The following DCC variants were observed in gnomAD, a reference collection of about 807,000 sequenced individuals.
DCC encodes the protein netrin receptor DCC.
Under a neutral mutation model 172.5 loss-of-function variants are expected in DCC, and 58 were observed. That is an observed-to-expected ratio of 0.34 (90% confidence interval 0.27 to 0.42). The LOEUF (loss-of-function observed/expected upper bound fraction) is 0.42, where lower values mean the gene tolerates loss of function less well. Ranked by LOEUF, DCC falls within the 10% of genes least tolerant of loss-of-function variation. The probability of loss-of-function intolerance (pLI) is 1.00; values close to 1 mark genes in which losing one functional copy is unlikely to be tolerated. For synonymous variants in DCC, 709 were observed against 644.5 expected, an observed-to-expected ratio of 1.10 and a Z score of -1.52; for missense variants, 1,740 against 1,791.0, an observed-to-expected ratio of 0.97 and a Z score of 0.51.
intron 1 of DCC, among the ~76,000 whole-genome samples, chr18:52,604,196 C>A (rs1476599688): frequency 6.6e-6 from 1 of 152,084 alleles, no homozygotes; most frequent in African/African-American, 2.4e-5. Context: ...GCATTTGATG[C>A]TCTCGGTATT....
chr18:52,351,320 C>T (rs1389673482), intron 1 of DCC, among the ~76,000 whole-genome samples: 1 of 152,148 alleles, frequency 6.6e-6, no homozygotes, highest in Non-Finnish European at 1.5e-5. Flanking sequence ...GCTACTTGTA[C>T]TTGGTAGATA....
chr18:53,380,730 C>T (rs1394463), intron 15 of DCC, among the ~76,000 whole-genome samples: 24,392 of 152,084 alleles, frequency 0.16, 2,454 homozygotes, highest in African/African-American at 0.27. Flanking sequence ...TTACCTGAGC[C>T]TCAAGTTACT....
chr18:53,221,817 T>C (rs543030493), intron 12 of DCC, among the ~76,000 whole-genome samples: 1 of 152,316 alleles, frequency 6.6e-6, no homozygotes, highest in South Asian at 2.1e-4. Context: ...ACAGATGCTT[T>C]AATTGGCTAG....
At chr18:52,653,448 G>A (rs1290572589) in intron 1 of DCC, among the ~76,000 whole-genome samples, 1 of 152,152 alleles carries the variant, frequency 6.6e-6, no homozygotes, top group Non-Finnish European at 1.5e-5. Context: ...ATTGCACCAT[G>A]TTTGAATTAT....
At chr18:52,815,439 TTC>T (rs936600121) in intron 2 of DCC, among the ~76,000 whole-genome samples, 5 of 144,038 alleles carry the variant, frequency 3.5e-5, no homozygotes, top group African/African-American at 1.3e-4. Flanking sequence ...CACACACACG[TTC>T]TCTCTCCACG....
intron 1 of DCC, among the ~76,000 whole-genome samples, chr18:52,740,832 C>T (rs2036810811): frequency 6.6e-6 from 1 of 152,136 alleles, no homozygotes; most frequent in South Asian, 2.1e-4. Flanking sequence ...ATAAACTGAT[C>T]AGAGGGTGAT....
At chr18:52,986,982 C>T (rs556754378) in intron 5 of DCC, among the ~76,000 whole-genome samples, 1 of 152,234 alleles carries the variant, frequency 6.6e-6, no homozygotes, top group South Asian at 2.1e-4. Context: ...ACCACTAACA[C>T]CTGGCTATTT....
chr18:53,434,987 A>G (rs1170483582), intron 21 of DCC, among the ~76,000 whole-genome samples, 157 bp from the exon 22 acceptor site: 2 of 151,958 alleles, frequency 1.3e-5, no homozygotes, highest in Non-Finnish European at 2.9e-5. Flanking sequence ...GGAAAATAAC[A>G]TTTTCTTATA....
intron 2 of DCC, among the ~76,000 whole-genome samples, chr18:52,873,038 AT>A (rs2039346424): frequency 6.6e-6 from 1 of 152,240 alleles, no homozygotes; most frequent in African/African-American, 2.4e-5. Flanking sequence ...TATTTGTAAT[AT>A]AAGAATAATG....
intron 1 of DCC, among the ~76,000 whole-genome samples, chr18:52,418,858 C>CTTTTT (rs11313758): frequency 1.6e-4 from 15 of 92,996 alleles, no homozygotes; most frequent in Non-Finnish European, 2.6e-4. Flanking sequence ...TTCTTTCTTT[C>CTTTTT]TTTTTTTTTT....
At chr18:52,435,894 C>T (rs1190061771) in intron 1 of DCC, among the ~76,000 whole-genome samples, 4 of 152,172 alleles carry the variant, frequency 2.6e-5, no homozygotes, top group Admixed American at 2.0e-4. Flanking sequence ...AGTCCCATCT[C>T]CAATCAAATA....
chr18:53,146,252 A>T (rs150400840), intron 7 of DCC, among the ~76,000 whole-genome samples: 1,595 of 152,174 alleles, frequency 0.01, 9 homozygotes, highest in Middle Eastern at 0.017. Flanking sequence ...AACACCACAG[A>T]CTGGGTGATT....
At chr18:52,822,933 A>AT (rs61460897) in intron 2 of DCC, among the ~76,000 whole-genome samples, 16,933 of 152,214 alleles carry the variant, frequency 0.11, 1,028 homozygotes, top group South Asian at 0.2. Context: ...AAGAAGTGGT[A>AT]TTTTTTAAGA....
chr18:53,215,526 C>A, intron 11 of DCC, 22 bp from the exon 12 acceptor site: 2 of 1,609,484 alleles, frequency 1.2e-6, no homozygotes, highest in African/African-American at 1.3e-5. Context: ...GTAACTGTGA[C>A]AATTTGTTTG....
intron 1 of DCC, among the ~76,000 whole-genome samples, chr18:52,693,623 G>A (rs1196715221): frequency 1.3e-5 from 2 of 151,774 alleles, no homozygotes; most frequent in Non-Finnish European, 1.5e-5. Flanking sequence ...TCTAGTAAAA[G>A]GGATATTGGC....
chr18:52,356,148 G>A lies in DCC; in HGVS notation c.91+15270G>A, dbSNP rs142839836. Among the ~76,000 whole-genome samples, 113 of 152,262 alleles carry A rather than the reference G, an allele frequency of 7.4e-4. 1 individual carries two copies. Among genetic ancestry groups the A allele is most frequent in the African/African-American group, 2.5e-3 (105 of 41,552 alleles). ...AAGTAACTTTGGTGGCATACATAAT[G>A]TAATTTTAAAATAAAGAGGCTTTAC... On this transcript the variant is annotated intron_variant, in intron 1 of 28. Transcript: ENST00000442544.
At chr18:52,963,156 G>T (rs1263414747) in intron 5 of DCC, among the ~76,000 whole-genome samples, 2 of 151,462 alleles carry the variant, frequency 1.3e-5, no homozygotes, top group South Asian at 2.1e-4. Flanking sequence ...GTAAAAATTT[G>T]GAGCCAATTT....
At chr18:52,644,810 A>C (rs1598983027) in intron 1 of DCC, among the ~76,000 whole-genome samples, 1 of 67,526 alleles carries the variant, frequency 1.5e-5, no homozygotes. Context: ...GAAGGAAGGA[A>C]GGGAGGGAGG....
intron 15 of DCC, among the ~76,000 whole-genome samples, chr18:53,385,814 C>T (rs890959206): frequency 6.6e-6 from 1 of 152,112 alleles, no homozygotes; most frequent in African/African-American, 2.4e-5. Flanking sequence ...TAAATGCTTT[C>T]GGTTTTCTAC....
Sources: allele counts gnomAD v4.1 joint callset (sites outside exome capture counted in the v4.1 genomes callset), GRCh38; gene constraint gnomAD v4.1.1; transcripts MANE v1.5; gene names NCBI Gene and HGNC (gene_info 2026-07-23, HGNC 2026-07-21).